Variants in LGSN observed in about 807,000 individuals in gnomAD.
The protein encoded by LGSN is lengsin.
LGSN carries 21 observed loss-of-function variants against 19.5 expected under a neutral mutation model. The ratio of observed to expected loss-of-function variants is 1.07; its 90% CI spans 0.76 to 1.55. The LOEUF (loss-of-function observed/expected upper bound fraction) is 1.55, where lower values mean the gene tolerates loss of function less well. Among genes scored for constraint, LGSN ranks in the 40% most tolerant of loss-of-function variants. LGSN has a pLI of 0.00. For missense variants in LGSN, 673 were observed against 608.5 expected, an observed-to-expected ratio of 1.11 and a Z score of -1.12; for synonymous variants, 257 against 215.6, an observed-to-expected ratio of 1.19 and a Z score of -1.68.
chr6:63,473,395 A>T, the LGSN span, among the ~76,000 whole-genome samples: 2 of 148,014 alleles, frequency 1.4e-5, no homozygotes, highest in Non-Finnish European at 3.0e-5. Flanking sequence ...AATAGCCTGA[A>T]CCCAGGAGGC....
the LGSN span, among the ~76,000 whole-genome samples, chr6:63,376,502 T>C: frequency 6.6e-6 from 1 of 152,214 alleles, no homozygotes; most frequent in Non-Finnish European, 1.5e-5. Context: ...GAAAAATCAC[T>C]ATGCTCAGAT....
At chr6:63,382,571 C>T in the LGSN span, among the ~76,000 whole-genome samples, 1 of 152,174 alleles carries the variant, frequency 6.6e-6, no homozygotes, top group South Asian at 2.1e-4. Flanking sequence ...GAGGGTAAAG[C>T]CAATCATTTG....
At chr6:63,486,596 G>C in the LGSN span, among the ~76,000 whole-genome samples, 1 of 151,832 alleles carries the variant, frequency 6.6e-6, no homozygotes, top group Non-Finnish European at 1.5e-5. Context: ...GTGGGTTTGT[G>C]TAACAGCTAA....
chr6:63,420,533 G>C, the LGSN span, among the ~76,000 whole-genome samples: 1 of 152,362 alleles, frequency 6.6e-6, no homozygotes, highest in Middle Eastern at 3.4e-3. Flanking sequence ...CTGGGCCTCT[G>C]ATAGGTACTA....
the LGSN span, among the ~76,000 whole-genome samples, chr6:63,522,488 A>G: frequency 6.6e-6 from 1 of 152,204 alleles, no homozygotes; most frequent in Non-Finnish European, 1.5e-5. Context: ...CACCCTCGCC[A>G]AGACTGTATC....
the LGSN span, among the ~76,000 whole-genome samples, chr6:63,425,148 G>T: frequency 6.6e-6 from 1 of 152,168 alleles, no homozygotes; most frequent in African/African-American, 2.4e-5. Context: ...TGGAGAAACT[G>T]TATCACTCAC....
chr6:63,345,957 T>C, the LGSN span, among the ~76,000 whole-genome samples: 1 of 152,242 alleles, frequency 6.6e-6, no homozygotes, highest in African/African-American at 2.4e-5. Flanking sequence ...TTCCATTCTG[T>C]TGATGCATTT....
chr6:63,412,718 GGAAAGAAA>G, the LGSN span, among the ~76,000 whole-genome samples: 47 of 54,798 alleles, frequency 8.6e-4, no homozygotes, highest in Admixed American at 1.3e-3. Flanking sequence ...AGGGAAGGAA[GGAAAGAAA>G]GAAAGAAAGA....
the LGSN span, among the ~76,000 whole-genome samples, chr6:63,514,222 C>CT: frequency 2.0e-5 from 3 of 151,734 alleles, no homozygotes; most frequent in Non-Finnish European, 4.4e-5. Context: ...TTCCCTTTGG[C>CT]TTTTTTTTGT....
At chr6:63,353,025 C>A in the LGSN span, among the ~76,000 whole-genome samples, 31 of 152,106 alleles carry the variant, frequency 2.0e-4, no homozygotes, top group African/African-American at 7.5e-4. Context: ...AGACACGTGA[C>A]CCTGGTTCTC....
the LGSN span, among the ~76,000 whole-genome samples, chr6:63,371,388 A>C: frequency 3.2e-4 from 48 of 152,220 alleles, 1 homozygote; most frequent in Non-Finnish European, 1.5e-5. Context: ...AACCACTGAA[A>C]ACGGCATTTC....
chr6:63,404,155 G>T, the LGSN span, among the ~76,000 whole-genome samples: 3 of 152,114 alleles, frequency 2.0e-5, no homozygotes, highest in African/African-American at 7.2e-5. Flanking sequence ...GCTAAGCCAT[G>T]CCCAGACTCC....
chr6:63,353,651 A>AATTTGC, the LGSN span, among the ~76,000 whole-genome samples: 2 of 152,010 alleles, frequency 1.3e-5, no homozygotes, highest in Non-Finnish European at 2.9e-5. Flanking sequence ...ACAATCTCAA[A>AATTTGC]ATTTGCATGA....
chr6:63,534,790 T>TTCTTTAGTAAAGAATTTCATAAAGAATG, the LGSN span, among the ~76,000 whole-genome samples: 2 of 152,022 alleles, frequency 1.3e-5, no homozygotes, highest in Admixed American at 1.3e-4. Flanking sequence ...ACTAAAGAAT[T>TTCTTTAGTAAAGAATTTCATAAAGAATG]TCTTTAGTAA....
chr6:63,472,000 G>A, the LGSN span, among the ~76,000 whole-genome samples: 1 of 152,100 alleles, frequency 6.6e-6, no homozygotes, highest in Admixed American at 6.5e-5. Context: ...GTTTTATCCA[G>A]GATTATTTTC....
At chr6:63,415,252 C>A in the LGSN span, among the ~76,000 whole-genome samples, 9 of 152,154 alleles carry the variant, frequency 5.9e-5, no homozygotes, top group East Asian at 1.3e-3. Flanking sequence ...ACCCTTGAGG[C>A]GGAGTTTGCG....
the LGSN span, among the ~76,000 whole-genome samples, chr6:63,388,112 G>A: frequency 6.6e-6 from 1 of 151,690 alleles, no homozygotes; most frequent in Non-Finnish European, 1.5e-5. Flanking sequence ...CTGACCTCAG[G>A]TGACCTACCT....
At chr6:63,304,411 C>A (rs1183646378) in intron 1 of LGSN, among the ~76,000 whole-genome samples, 1 of 152,128 alleles carries the variant, frequency 6.6e-6, no homozygotes, top group Non-Finnish European at 1.5e-5. Context: ...TCTTTAAATT[C>A]TCTTGCTAAA....
At chr6:63,325,478 T>C in the LGSN span, among the ~76,000 whole-genome samples, 1 of 152,014 alleles carries the variant, frequency 6.6e-6, no homozygotes, top group Non-Finnish European at 1.5e-5. Context: ...ACTAACAAAC[T>C]GGAAAATCTA....
Sources: allele counts gnomAD v4.1 joint callset (sites outside exome capture counted in the v4.1 genomes callset), GRCh38; gene constraint gnomAD v4.1.1; transcripts MANE v1.5; gene names NCBI Gene and HGNC (gene_info 2026-07-23, HGNC 2026-07-21).